The following CHCHD3 variants were observed in gnomAD, a reference collection of about 807,000 sequenced individuals.
CHCHD3 encodes coiled-coil-helix-coiled-coil-helix domain containing 3, also known as MICOS complex subunit MIC19.
CHCHD3 carries 20 observed loss-of-function variants against 38.2 expected under a neutral mutation model. The ratio of observed to expected loss-of-function variants is 0.52; its 90% CI spans 0.37 to 0.76. The LOEUF (loss-of-function observed/expected upper bound fraction) is 0.76. Ranked by LOEUF, CHCHD3 falls within the 30% of genes least tolerant of loss-of-function variation. CHCHD3 has a pLI of 0.00. For missense variants in CHCHD3, 245 were observed against 279.2 expected, an observed-to-expected ratio of 0.88 and a Z score of 0.87; for synonymous variants, 82 against 100.0, an observed-to-expected ratio of 0.82 and a Z score of 1.07.
chr7:132,822,006 C>T (rs1437166270), intron 6 of CHCHD3, among the ~76,000 whole-genome samples: 2 of 152,184 alleles, frequency 1.3e-5, no homozygotes, highest in African/African-American at 2.4e-5. Context: ...TCATGATCCA[C>T]CCGCCTCGGC....
chr7:132,928,079 T>C (rs934116030), intron 4 of CHCHD3, among the ~76,000 whole-genome samples: 4 of 152,118 alleles, frequency 2.6e-5, no homozygotes, highest in African/African-American at 4.8e-5. Flanking sequence ...CTGGGGACTC[T>C]AGTTGGAGGC....
chr7:132,969,153 A>G (rs1195094608), intron 4 of CHCHD3, among the ~76,000 whole-genome samples: 1 of 140,978 alleles, frequency 7.1e-6, no homozygotes, highest in East Asian at 2.0e-4. Flanking sequence ...TTTTTTTTTT[A>G]CTGTGTTTTT....
intron 5 of CHCHD3, among the ~76,000 whole-genome samples, chr7:132,851,186 G>T (rs1223247640): frequency 6.6e-6 from 1 of 152,162 alleles, no homozygotes; most frequent in Non-Finnish European, 1.5e-5. Flanking sequence ...GATGTGAGAA[G>T]ATACTTTTCT....
chr7:132,931,664 TTCAATA>T (rs1810518221), intron 4 of CHCHD3, among the ~76,000 whole-genome samples: 1 of 152,216 alleles, frequency 6.6e-6, no homozygotes, highest in African/African-American at 2.4e-5. Flanking sequence ...AAGTTACATC[TTCAATA>T]TCAATGTCAA....
chr7:132,904,351 G>C (rs930344637), intron 4 of CHCHD3, among the ~76,000 whole-genome samples: 1 of 151,960 alleles, frequency 6.6e-6, no homozygotes, highest in Non-Finnish European at 1.5e-5. Context: ...AGAAGTTAAA[G>C]ACACTTTTAG....
At chr7:132,812,678 C>T (rs1436626070) in intron 6 of CHCHD3, among the ~76,000 whole-genome samples, 1 of 152,160 alleles carries the variant, frequency 6.6e-6, no homozygotes, top group Non-Finnish European at 1.5e-5. Flanking sequence ...ACCAGAGTGC[C>T]CCTTTTAAAC....
intron 6 of CHCHD3, among the ~76,000 whole-genome samples, chr7:132,809,686 A>G: frequency 6.6e-6 from 1 of 152,216 alleles, no homozygotes; most frequent in Non-Finnish European, 1.5e-5. Context: ...TGACATTTGC[A>G]AGGTTGTTTT....
At chr7:132,898,871 G>C (rs182675540) in intron 4 of CHCHD3, among the ~76,000 whole-genome samples, 1 of 152,324 alleles carries the variant, frequency 6.6e-6, no homozygotes, top group Admixed American at 6.5e-5. Flanking sequence ...TCATTGCCCG[G>C]GGCCGGCAGG....
chr7:132,951,850 G>A (rs184394816), intron 4 of CHCHD3, among the ~76,000 whole-genome samples: 1 of 152,146 alleles, frequency 6.6e-6, no homozygotes, highest in African/African-American at 2.4e-5. Context: ...GGTAAGTGAG[G>A]TGACTAGCTA....
intron 4 of CHCHD3, among the ~76,000 whole-genome samples, chr7:132,915,138 C>CA (rs201294940): frequency 0.027 from 3,652 of 133,078 alleles, 118 homozygotes; most frequent in African/African-American, 0.087. Context: ...TACTCCATCT[C>CA]AAAAAAAAAA....
intron 5 of CHCHD3, among the ~76,000 whole-genome samples, chr7:132,863,318 T>C (rs947046219): frequency 2.0e-5 from 3 of 152,212 alleles, no homozygotes; most frequent in Non-Finnish European, 2.9e-5. Flanking sequence ...GGTGACTAGG[T>C]GCACTGTCAA....
rs144661737 is a variant in CHCHD3, at chr7:133,028,322, A to C, written c.170-3695T>G. Reference sequence around the variant, plus strand: ...AAACTAGGCTTCTGTAAAACCTCAGAGAGTAACTATGATGCACTGGGATCA... The same window carrying C: ...AAACTAGGCTTCTGTAAAACCTCAGCGAGTAACTATGATGCACTGGGATCA... On this transcript the variant is annotated intron_variant, in intron 2 of 7. Transcript: ENST00000262570. 5.9e-5 allele frequency among the ~76,000 whole-genome samples: 9 copies of C among 152,334 alleles called. No homozygotes were observed. The East Asian group carries it at 1.7e-3, about 29-fold the overall frequency.
intron 5 of CHCHD3, among the ~76,000 whole-genome samples, chr7:132,879,901 G>C (rs748530954): frequency 5.3e-5 from 8 of 151,954 alleles, no homozygotes; most frequent in Non-Finnish European, 1.0e-4. Context: ...AGCACAACTC[G>C]ATATTAAAAT....
chr7:133,056,662 T>C (rs1188752959), intron 2 of CHCHD3, among the ~76,000 whole-genome samples: 2 of 152,136 alleles, frequency 1.3e-5, no homozygotes, highest in African/African-American at 2.4e-5. Flanking sequence ...AGTAGTTCAC[T>C]TGGCAAGAGT....
chr7:133,038,389 GAAGAGTTCCTCTGTAATTGAACAC>G (rs1813736961), intron 2 of CHCHD3, among the ~76,000 whole-genome samples: 1 of 152,166 alleles, frequency 6.6e-6, no homozygotes, highest in African/African-American at 2.4e-5. Flanking sequence ...GTTATTTGCT[GAAGAGTTCCTCTGTAATTGAACAC>G]AATGAGATTC....
chr7:132,798,708 A>G (rs1011034973), intron 6 of CHCHD3, among the ~76,000 whole-genome samples: 3 of 152,160 alleles, frequency 2.0e-5, no homozygotes, highest in Non-Finnish European at 4.4e-5. Flanking sequence ...CTTCCTCATT[A>G]ACATACGGGA....
intron 7 of CHCHD3, among the ~76,000 whole-genome samples, chr7:132,793,973 C>T (rs1806536573): frequency 1.3e-5 from 2 of 152,168 alleles, no homozygotes; most frequent in South Asian, 2.1e-4. Context: ...TCACAAGGAG[C>T]AAAAGGACAA....
At chr7:132,943,102 CT>C (rs1286963582) in intron 4 of CHCHD3, among the ~76,000 whole-genome samples, 86 of 152,194 alleles carry the variant, frequency 5.7e-4, no homozygotes, top group Non-Finnish European at 9.0e-4. Flanking sequence ...AATAAACTAC[CT>C]ACTATATCTA....
intron 1 of CHCHD3, among the ~76,000 whole-genome samples, chr7:133,075,741 T>C (rs894300095): frequency 1.3e-5 from 2 of 152,166 alleles, no homozygotes; most frequent in African/African-American, 2.4e-5. Context: ...CAACACAAGC[T>C]TCTGCGATGG....
Sources: gnomAD v4.1 joint callset for allele counts (sites outside exome capture counted in the v4.1 genomes callset) on GRCh38, gnomAD v4.1.1 for gene constraint, MANE v1.5 for transcripts, NCBI Gene and HGNC (gene_info 2026-07-23, HGNC 2026-07-21) for gene names.